The following UTRN variants were observed in gnomAD, a reference collection of about 807,000 sequenced individuals.
The protein encoded by UTRN is utrophin.
A neutral mutation model predicts 463.9 loss-of-function variants in UTRN; 283 were observed. The observed-to-expected ratio is 0.61, with a 90% CI of 0.55 to 0.67. UTRN has a LOEUF of 0.67. Ranked by LOEUF, UTRN falls within the 30% of genes least tolerant of loss-of-function variation. UTRN has a pLI of 0.00. For missense variants in UTRN, 3,922 were observed against 4,084.3 expected (o/e 0.96, Z 1.08); for synonymous variants, 1,442 against 1,431.5 (o/e 1.01, Z -0.17).
rs1782524618 is a variant in UTRN, at chr6:144,852,236, G to C, written c.*1239G>C. 1 of 152,084 alleles carries C rather than the reference G, an allele frequency of 6.6e-6. No homozygotes were observed. Among genetic ancestry groups the C allele is most frequent in the African/African-American group, 2.4e-5 (1 of 41,402 alleles). 9.4% of individuals were successfully genotyped at this position (152,084 alleles called of 1,614,324 possible). On this transcript the variant is annotated 3_prime_UTR_variant, in exon 75 of 75. Coordinates refer to ENST00000367545, the MANE Select transcript of UTRN (RefSeq NM_007124.3). ...ACAGAAGAATGAAATTAATGCTTAG[G>C]TGATGGTACCTCCACCTACATCTTT...
At chr6:144,748,892 T>TTTTGTTTGTATTG (rs893556327) in intron 55 of UTRN, among the ~76,000 whole-genome samples, 4 of 152,200 alleles carry the variant, frequency 2.6e-5, no homozygotes, top group Admixed American at 2.6e-4. Context: ...GAATTGTTTG[T>TTTTGTTTGTATTG]TTTGTATTGA....
At chr6:144,550,352 T>C (rs1798793025) in intron 47 of UTRN, among the ~76,000 whole-genome samples, 1 of 152,218 alleles carries the variant, frequency 6.6e-6, no homozygotes, top group Non-Finnish European at 1.5e-5. Context: ...GTATTTTTTG[T>C]AAATTGCTTT....
At chr6:144,400,954 G>A (rs925348077) in intron 2 of UTRN, among the ~76,000 whole-genome samples, 1 of 152,002 alleles carries the variant, frequency 6.6e-6, no homozygotes, top group Non-Finnish European at 1.5e-5. Flanking sequence ...TCATTGATAG[G>A]GTAATAGTGC....
At position 144,577,340 on chromosome 6, in the gene UTRN, G is replaced by T. The variant is rs1801536828; in HGVS notation, c.7479+52G>T. 2.5e-6 allele frequency: 4 copies of T among 1,574,858 alleles called. No individual in the cohort carries two copies. The East Asian group carries it at 9.0e-5, about 36-fold the overall frequency. Reference sequence around the variant, plus strand: ...ACCTGTGTTTGCCCTGTGTGCTTTTGATCCCTCTGCATGCAAATGTGTTAC... The same window carrying T: ...ACCTGTGTTTGCCCTGTGTGCTTTTTATCCCTCTGCATGCAAATGTGTTAC... On this transcript the variant is annotated intron_variant, in intron 51 of 74. Transcript: ENST00000367545.
chr6:144,436,211 C>A, intron 10 of UTRN, 73 bp downstream of exon 10: 1 of 1,415,248 alleles, frequency 7.1e-7, no homozygotes, highest in Non-Finnish European at 9.7e-7. Context: ...CTCTACTCTC[C>A]TATTTGTTAT....
intron 58 of UTRN, among the ~76,000 whole-genome samples, chr6:144,760,775 G>A (rs571535713): frequency 6.6e-6 from 1 of 152,164 alleles, no homozygotes; most frequent in Admixed American, 6.5e-5. Context: ...CATGCAATGA[G>A]AATTTCCTGG....
chr6:144,321,213 C>A (rs1584270844), intron 2 of UTRN, among the ~76,000 whole-genome samples: 1 of 79,784 alleles, frequency 1.3e-5, no homozygotes, highest in Non-Finnish European at 3.0e-5. Context: ...TATTTACAAA[C>A]ACACACACAC....
At chr6:144,494,913 T>G (rs1037632095) in intron 33 of UTRN, among the ~76,000 whole-genome samples, 36 of 152,126 alleles carry the variant, frequency 2.4e-4, no homozygotes, top group Non-Finnish European at 4.4e-4. Flanking sequence ...AGTAGCTAGA[T>G]ACAGAGTGTG....
intron 52 of UTRN, among the ~76,000 whole-genome samples, chr6:144,688,867 T>C (rs1320301237): frequency 1.3e-5 from 2 of 152,144 alleles, no homozygotes; most frequent in East Asian, 3.8e-4. Flanking sequence ...AGTGGAGGTG[T>C]CCATGAGTAA....
chr6:144,556,502 A>G (rs149722042), intron 49 of UTRN, among the ~76,000 whole-genome samples: 397 of 152,332 alleles, frequency 2.6e-3, no homozygotes, highest in African/African-American at 9.0e-3. Flanking sequence ...GGCTGATTTA[A>G]AATCTTCCCA....
At chr6:144,468,751 G>A (rs974656244) in intron 23 of UTRN, among the ~76,000 whole-genome samples, 2 of 152,122 alleles carry the variant, frequency 1.3e-5, no homozygotes, top group Admixed American at 6.5e-5. Flanking sequence ...GCTCTTTGAC[G>A]ATCTTTGTAA....
At chr6:144,723,452 A>G (rs890009122) in intron 53 of UTRN, among the ~76,000 whole-genome samples, 3 of 152,172 alleles carry the variant, frequency 2.0e-5, no homozygotes, top group Non-Finnish European at 4.4e-5. Context: ...AGTGCTTTCT[A>G]TATATGTCTA....
Position 144,839,280 on chromosome 6 carries a change from G to T in UTRN, c.10173G>T (p.Gln3391His), listed in dbSNP as rs1472561008. The T allele has an allele frequency of 2.5e-6, 4 of 1,613,206 alleles. No homozygotes were observed. In the Admixed American group the frequency reaches 6.7e-5, roughly 27 times the overall value. ...DPDASGPQFHQAAGEDLLAPP... is the reference protein window; with the variant it reads ...DPDASGPQFHHAAGEDLLAPP... Reference sequence around the variant, plus strand: ...ATGCCTCCGGCCCACAGTTCCACCAGGCAGGTCGGTGTCCCCAGCACACAG... The same window carrying T: ...ATGCCTCCGGCCCACAGTTCCACCATGCAGGTCGGTGTCCCCAGCACACAG... The change falls in exon 72 of 75, where the codon CAG (glutamine) becomes CAT (histidine). Residue 3391 changes from glutamine to histidine, a missense_variant. Gln to His is a conservative substitution (Grantham distance 24, BLOSUM62 0). This residue lies in a region of UTRN where 1,309 missense variants were observed against 1,452.6 expected (regional missense o/e 0.90). Transcript: ENST00000367545.
chr6:144,780,206 G>A (rs746445970), intron 60 of UTRN, among the ~76,000 whole-genome samples: 7 of 152,096 alleles, frequency 4.6e-5, no homozygotes, highest in Non-Finnish European at 8.8e-5. Flanking sequence ...TATTTTTTGA[G>A]AGAACAGTTT....
chr6:144,431,460 A>G (rs1006118178), intron 9 of UTRN, among the ~76,000 whole-genome samples: 2 of 152,244 alleles, frequency 1.3e-5, no homozygotes, highest in Non-Finnish European at 1.5e-5. Context: ...TCTCTCTGAC[A>G]TAGCTTGCCA....
At chr6:144,796,224 G>A (rs936897652) in intron 63 of UTRN, among the ~76,000 whole-genome samples, 1 of 152,108 alleles carries the variant, frequency 6.6e-6, no homozygotes, top group Non-Finnish European at 1.5e-5. Context: ...GATGGTTGTA[G>A]ATGTGTGGCA....
chr6:144,849,789 A>G (rs1782330611), intron 74 of UTRN, among the ~76,000 whole-genome samples: 1 of 152,204 alleles, frequency 6.6e-6, no homozygotes, highest in Admixed American at 6.5e-5. Flanking sequence ...TCTCAAGGAT[A>G]ATGGAGTATA....
At chr6:144,630,686 T>G (rs1262565921) in intron 51 of UTRN, among the ~76,000 whole-genome samples, 1 of 151,370 alleles carries the variant, frequency 6.6e-6, no homozygotes, top group African/African-American at 2.5e-5. Flanking sequence ...CATTAATAAA[T>G]ATTTATTGAA....
At chr6:144,798,919 T>C (rs938338676) in intron 64 of UTRN, among the ~76,000 whole-genome samples, 8 of 152,212 alleles carry the variant, frequency 5.3e-5, no homozygotes, top group Non-Finnish European at 1.2e-4. Context: ...TTTTTGTATT[T>C]TTAGTAGAGA....
Sources: allele counts gnomAD v4.1 joint callset (sites outside exome capture counted in the v4.1 genomes callset), GRCh38; gene constraint gnomAD v4.1.1; regional missense constraint gnomAD v4.1.1; transcripts MANE v1.5; gene names NCBI Gene and HGNC (gene_info 2026-07-23, HGNC 2026-07-21).